Variants in ERBB4 observed in about 807,000 individuals in gnomAD.
ERBB4 encodes erb-b2 receptor tyrosine kinase 4, also known as receptor tyrosine-protein kinase erbB-4.
Under a neutral mutation model 158.0 loss-of-function variants are expected in ERBB4, and 42 were observed. The observed-to-expected ratio is 0.27, with a 90% confidence interval of 0.21 to 0.34. The LOEUF is 0.34. ERBB4 is among the 10% of genes least tolerant of loss of function. ERBB4 has a pLI of 1.00. For missense variants in ERBB4, 1,333 were observed against 1,624.1 expected (o/e 0.82, Z 3.08); for synonymous variants, 583 against 558.7 (o/e 1.04, Z -0.61).
intron 4 of ERBB4, among the ~76,000 whole-genome samples, chr2:211,768,244 GC>G (rs1358429626): frequency 6.6e-6 from 1 of 151,118 alleles, no homozygotes; most frequent in African/African-American, 2.5e-5. Context: ...GGGCAGCTCT[GC>G]CCCTGTGGCT....
chr2:211,786,636 G>C (rs1172856452), intron 4 of ERBB4, among the ~76,000 whole-genome samples: 1 of 152,104 alleles, frequency 6.6e-6, no homozygotes, highest in Non-Finnish European at 1.5e-5. Flanking sequence ...TGTAAGGCTG[G>C]TGGGCACACT....
chr2:211,707,074 T>G (rs982869540), intron 9 of ERBB4, among the ~76,000 whole-genome samples: 1 of 152,168 alleles, frequency 6.6e-6, no homozygotes, highest in Non-Finnish European at 1.5e-5. Context: ...GCTCAGGTCG[T>G]ATAATCAAAT....
chr2:212,143,653 G>A (rs1347933299), intron 1 of ERBB4, among the ~76,000 whole-genome samples: 3 of 152,064 alleles, frequency 2.0e-5, no homozygotes, highest in Non-Finnish European at 2.9e-5. Context: ...CACAGAAAAA[G>A]TGGGAGTGAA....
At chr2:212,278,187 T>C (rs537910312) in intron 1 of ERBB4, among the ~76,000 whole-genome samples, 6 of 151,942 alleles carry the variant, frequency 3.9e-5, no homozygotes, top group South Asian at 4.1e-4. Context: ...AGGTTTTGTT[T>C]GCTTTACTTC....
intron 20 of ERBB4, among the ~76,000 whole-genome samples, chr2:211,447,369 G>C (rs1329486333): frequency 6.6e-6 from 1 of 151,356 alleles, no homozygotes. Flanking sequence ...AAGTCCTACT[G>C]TTTTAATTAC....
At position 212,505,992 on chromosome 2, in the gene ERBB4, G is replaced by A. The variant is rs116142494; in HGVS notation, c.82+32457C>T. On this transcript the variant is annotated intron_variant, in intron 1 of 27. Transcript: ENST00000342788. ...CAGATTTAGAGCTTGTGGCAACCCC[G>A]CATAGAACAAGTTTGTCAGCACCAT... 5.2e-4 allele frequency among the ~76,000 whole-genome samples: 78 copies of A among 148,760 alleles called. 1 individual carries two copies. Among genetic ancestry groups the A allele is most frequent in the African/African-American group, 1.6e-3 (68 of 41,314 alleles).
intron 3 of ERBB4, among the ~76,000 whole-genome samples, chr2:211,872,468 CT>C (rs1192070241): frequency 6.6e-6 from 1 of 152,080 alleles, no homozygotes; most frequent in African/African-American, 2.4e-5. Flanking sequence ...CAGTCTTGTC[CT>C]TTTTAAGATT....
At chr2:211,425,674 A>G in intron 22 of ERBB4, among the ~76,000 whole-genome samples, 1 of 151,822 alleles carries the variant, frequency 6.6e-6, no homozygotes, top group East Asian at 1.9e-4. Context: ...AATAGTTTAT[A>G]TTTTAGAATT....
intron 27 of ERBB4, among the ~76,000 whole-genome samples, chr2:211,386,102 C>T (rs2062679045): frequency 1.3e-5 from 2 of 152,194 alleles, no homozygotes; most frequent in Admixed American, 6.5e-5. Flanking sequence ...CTGCGAGAGA[C>T]ATGATCATCA....
chr2:211,394,624 A>G (rs1341136541), intron 25 of ERBB4, among the ~76,000 whole-genome samples: 1 of 152,080 alleles, frequency 6.6e-6, no homozygotes. Context: ...TTCTAATGCA[A>G]TGTCTTTAAG....
chr2:212,536,697 C>T (rs1437043132), intron 1 of ERBB4, among the ~76,000 whole-genome samples: 1 of 152,158 alleles, frequency 6.6e-6, no homozygotes, highest in East Asian at 1.9e-4. Context: ...AAGGGCTTTT[C>T]GGCATAGCTC....
intron 16 of ERBB4, among the ~76,000 whole-genome samples, chr2:211,638,738 T>C (rs1392309316): frequency 2.0e-5 from 3 of 152,172 alleles, no homozygotes; most frequent in Non-Finnish European, 4.4e-5. Context: ...AGTACTTCAG[T>C]AGAGATATTG....
chr2:211,665,301 C>T (rs1559395467), intron 15 of ERBB4, 22 bp downstream of exon 15: 4 of 1,613,784 alleles, frequency 2.5e-6, no homozygotes, highest in East Asian at 2.2e-5. Context: ...CAGGTGAGCC[C>T]TTGGCCAGCA....
intron 20 of ERBB4, among the ~76,000 whole-genome samples, chr2:211,523,005 A>G (rs2066229736): frequency 6.6e-6 from 1 of 151,216 alleles, no homozygotes; most frequent in African/African-American, 2.4e-5. Context: ...TGCATTAGTG[A>G]TCTTACTGTA....
At chr2:211,774,967 T>C (rs1443703072) in intron 4 of ERBB4, among the ~76,000 whole-genome samples, 1 of 152,116 alleles carries the variant, frequency 6.6e-6, no homozygotes, top group Non-Finnish European at 1.5e-5. Flanking sequence ...TTTAAGATAG[T>C]TCGATGTTGA....
intron 20 of ERBB4, among the ~76,000 whole-genome samples, chr2:211,467,030 G>A (rs981596477): frequency 5.3e-5 from 8 of 151,852 alleles, no homozygotes; most frequent in Non-Finnish European, 7.4e-5. Context: ...TGAGATCTTC[G>A]GATATGCCAC....
At chr2:211,599,115 G>A (rs1352388072) in intron 19 of ERBB4, among the ~76,000 whole-genome samples, 1 of 152,172 alleles carries the variant, frequency 6.6e-6, no homozygotes, top group Non-Finnish European at 1.5e-5. Flanking sequence ...AATCTCTTGA[G>A]CAGTCCAGGG....
chr2:212,247,867 G>A (rs2106036993), intron 1 of ERBB4, among the ~76,000 whole-genome samples: 1 of 152,166 alleles, frequency 6.6e-6, no homozygotes. Context: ...AGGAGGCTGA[G>A]ACATGAGAAT....
At chr2:212,269,879 G>A (rs547393372) in intron 1 of ERBB4, among the ~76,000 whole-genome samples, 141 of 151,758 alleles carry the variant, frequency 9.3e-4, no homozygotes, top group South Asian at 6.2e-3. Flanking sequence ...TCCATAATTA[G>A]GCTCTGTAAC....
Sources: allele counts gnomAD v4.1 joint callset (sites outside exome capture counted in the v4.1 genomes callset), GRCh38; gene constraint gnomAD v4.1.1; transcripts MANE v1.5; gene names NCBI Gene and HGNC (gene_info 2026-07-23, HGNC 2026-07-21).